The following GNAQ variants were observed in gnomAD, a reference collection of about 807,000 sequenced individuals.
The protein encoded by GNAQ is G protein subunit alpha q, also known as guanine nucleotide-binding protein G(q) subunit alpha.
In GNAQ, 8 loss-of-function variants were observed where a neutral mutation model predicts 43.9. The observed-to-expected ratio is 0.18, with a 90% confidence interval of 0.11 to 0.33. GNAQ has a LOEUF of 0.33. Among genes scored for constraint, GNAQ ranks in the 10% least tolerant of loss-of-function variants. The pLI is 1.00. For synonymous variants in GNAQ, 155 were observed against 170.7 expected (o/e 0.91, Z 0.71); for missense variants, 158 against 450.8 (o/e 0.35, Z 5.88).
rs1828081080 is a variant in GNAQ, at chr9:77,873,833, C to T, written c.321+48328G>A. Among the ~76,000 whole-genome samples the T allele has an allele frequency of 3.9e-5, 6 of 152,228 alleles. No individual in the cohort carries two copies. In the South Asian group the frequency reaches 6.2e-4, roughly 16 times the overall value. ...ATATATCTAAAGCCTTTGCCGGGCG[C>T]GGTGGCTCATGCCTGTAATCCCAGC... On this transcript the variant is annotated intron_variant, in intron 2 of 6. Transcript: ENST00000286548.
chr9:78,014,501 G>C (rs1035345442), intron 1 of GNAQ, among the ~76,000 whole-genome samples: 6 of 152,028 alleles, frequency 3.9e-5, no homozygotes, highest in Non-Finnish European at 4.4e-5. Context: ...AGCTACTTAG[G>C]AGGCTGAGGC....
intron 5 of GNAQ, among the ~76,000 whole-genome samples, chr9:77,778,600 A>G (rs924370975): frequency 6.6e-6 from 1 of 151,958 alleles, no homozygotes; most frequent in Admixed American, 6.6e-5. Context: ...AACACTTTAA[A>G]TGTGAACGGT....
chr9:77,984,661 T>C (rs1175779507), intron 1 of GNAQ, among the ~76,000 whole-genome samples: 1 of 152,184 alleles, frequency 6.6e-6, no homozygotes, highest in East Asian at 1.9e-4. Flanking sequence ...TCCCTTGGTA[T>C]AACATTATAT....
chr9:77,908,275 AC>A (rs1286320881), intron 2 of GNAQ, among the ~76,000 whole-genome samples: 2 of 151,956 alleles, frequency 1.3e-5, no homozygotes, highest in Non-Finnish European at 2.9e-5. Flanking sequence ...AAATCCATGA[AC>A]CCCTTCAGAA....
chr9:77,869,930 A>G (rs1175163364), intron 2 of GNAQ, among the ~76,000 whole-genome samples: 2 of 152,252 alleles, frequency 1.3e-5, no homozygotes, highest in African/African-American at 4.8e-5. Context: ...AGTATGTGAA[A>G]AATTCATAAT....
At chr9:77,942,441 C>G (rs761871251) in intron 1 of GNAQ, among the ~76,000 whole-genome samples, 3 of 152,354 alleles carry the variant, frequency 2.0e-5, no homozygotes, top group Non-Finnish European at 4.4e-5. Flanking sequence ...TGATCCATCA[C>G]TCTGCTTTGT....
chr9:77,996,729 G>C (rs1823575008), intron 1 of GNAQ, among the ~76,000 whole-genome samples: 1 of 150,358 alleles, frequency 6.7e-6, no homozygotes, highest in African/African-American at 2.4e-5. Context: ...AAATGCAATA[G>C]TCAGATAAAT....
chr9:77,862,008 T>TGAA (rs1323451666), intron 2 of GNAQ, among the ~76,000 whole-genome samples: 1 of 118,116 alleles, frequency 8.5e-6, no homozygotes, highest in African/African-American at 3.6e-5. Flanking sequence ...CTGTCTGGGG[T>TGAA]AAAAAAAAAA....
chr9:77,743,711 G>C (rs1300002042), intron 5 of GNAQ, among the ~76,000 whole-genome samples: 1 of 151,842 alleles, frequency 6.6e-6, no homozygotes, highest in African/African-American at 2.4e-5. Flanking sequence ...ACATTTCTGA[G>C]GTTTTGTGAG....
chr9:77,907,511 A>G (rs1392295707), intron 2 of GNAQ, among the ~76,000 whole-genome samples: 1 of 152,244 alleles, frequency 6.6e-6, no homozygotes, highest in Non-Finnish European at 1.5e-5. Flanking sequence ...AAGTCCCCAT[A>G]AGCAAAGTAC....
At chr9:77,855,351 T>C (rs1827736348) in intron 2 of GNAQ, among the ~76,000 whole-genome samples, 1 of 152,100 alleles carries the variant, frequency 6.6e-6, no homozygotes, top group African/African-American at 2.4e-5. Context: ...TTAAAGTCCC[T>C]TGTAAAAAAT....
chr9:77,874,117 C>CAAAAAAACA (rs1828090949), intron 2 of GNAQ, among the ~76,000 whole-genome samples: 1 of 130,884 alleles, frequency 7.6e-6, no homozygotes, highest in African/African-American at 3.0e-5. Flanking sequence ...AAAAAAAAAA[C>CAAAAAAACA]AAAAAAACAA....
chr9:77,843,835 C>A lies in GNAQ; in HGVS notation c.322-28065G>T, dbSNP rs777469714. Among the ~76,000 whole-genome samples, 3 of 152,140 alleles carry A rather than the reference C, an allele frequency of 2.0e-5. No homozygotes were observed. In the East Asian group the frequency reaches 5.8e-4, roughly 29 times the overall value. ...GTCATGGCTTACTCATCAGACTAAG[C>A]CACCTAAAGCCCATTTGCAGTTCCA... On this transcript the variant is annotated intron_variant, in intron 2 of 6. Coordinates refer to ENST00000286548, the MANE Select transcript of GNAQ (RefSeq NM_002072.5).
At chr9:77,783,729 G>A (rs996051024) in intron 5 of GNAQ, among the ~76,000 whole-genome samples, 6 of 152,202 alleles carry the variant, frequency 3.9e-5, no homozygotes, top group East Asian at 1.9e-4. Flanking sequence ...CTGTATAACC[G>A]CATTATTTTG....
intron 1 of GNAQ, among the ~76,000 whole-genome samples, chr9:77,965,442 G>A (rs1823154359): frequency 6.6e-6 from 1 of 151,854 alleles, no homozygotes; most frequent in South Asian, 2.1e-4. Flanking sequence ...CCACAGACAA[G>A]GAGAAAATAC....
At chr9:77,754,363 T>C (rs368262310) in intron 5 of GNAQ, among the ~76,000 whole-genome samples, 2 of 152,220 alleles carry the variant, frequency 1.3e-5, no homozygotes. Context: ...TCTAACATAG[T>C]TCCTGGGACA....
chr9:77,850,840 C>T (rs1827663860), intron 2 of GNAQ, among the ~76,000 whole-genome samples: 1 of 152,052 alleles, frequency 6.6e-6, no homozygotes, highest in Admixed American at 6.6e-5. Context: ...CTCTCGTGAC[C>T]CTCGCCTGCC....
rs1475051702 is a variant in GNAQ, at chr9:77,735,807, G to A, written c.736-7140C>T. Among the ~76,000 whole-genome samples the A allele has an allele frequency of 5.3e-5, 8 of 152,272 alleles. No homozygotes were observed. In the East Asian group the frequency reaches 7.7e-4, roughly 15 times the overall value. ...ATGTGGCCCAGTGGTGACAGGCCAG[G>A]GCTGTGAGCTAGGGACCTCAGTGGA... On this transcript the variant is annotated intron_variant, in intron 5 of 6. Transcript: ENST00000286548.
At chr9:77,862,477 C>T (rs1247883699) in intron 2 of GNAQ, among the ~76,000 whole-genome samples, 1 of 152,190 alleles carries the variant, frequency 6.6e-6, no homozygotes, top group African/African-American at 2.4e-5. Flanking sequence ...GGCTGTCACC[C>T]TCTGAAGCCA....
Sources: allele counts gnomAD v4.1 joint callset (sites outside exome capture counted in the v4.1 genomes callset), GRCh38; gene constraint gnomAD v4.1.1; transcripts MANE v1.5; gene names NCBI Gene and HGNC (gene_info 2026-07-23, HGNC 2026-07-21).